The following ARSK variants were observed in gnomAD, a reference collection of about 807,000 sequenced individuals.
ARSK encodes arylsulfatase family member K.
A neutral mutation model predicts 53.2 loss-of-function variants in ARSK; 37 were observed. The observed-to-expected ratio is 0.70, with a 90% CI of 0.54 to 0.92. ARSK has a LOEUF of 0.92. Among genes scored for constraint, ARSK ranks in the 40% least tolerant of loss-of-function variants. ARSK has a pLI of 0.00. For missense variants in ARSK, 613 were observed against 643.0 expected, an observed-to-expected ratio of 0.95 and a Z score of 0.51; for synonymous variants, 208 against 223.2, an observed-to-expected ratio of 0.93 and a Z score of 0.61.
At position 95,586,567 on chromosome 5, in the gene ARSK, T is replaced by A; in HGVS notation, c.705T>A (p.Ser235=). 1 of 1,611,324 alleles carries A rather than the reference T, an allele frequency of 6.2e-7. No individual in the cohort carries two copies. Among genetic ancestry groups the A allele is most frequent in the Admixed American group, 1.7e-5 (1 of 59,522 alleles). The change falls in exon 5 of 8, where the codon TCT becomes TCA. Residue 235 remains serine (S), a synonymous_variant. Transcript: ENST00000380009. Reference sequence around the variant, plus strand: ...GTTTTTTCTCCCCTTTTTAGGTGTCTCATGATGCCATCAAAATCCCAAAGT... The same window carrying A: ...GTTTTTTCTCCCCTTTTTAGGTGTCACATGATGCCATCAAAATCCCAAAGT... ...HTSLYWLEKV[S]HDAIKIPKWS... is the part of the protein sequence containing the mutation.
chr5:95,558,734 G>C (rs538710916), intron 1 of ARSK, among the ~76,000 whole-genome samples: 2 of 152,182 alleles, frequency 1.3e-5, no homozygotes, highest in Non-Finnish European at 2.9e-5. Flanking sequence ...CCAACAAAGA[G>C]AAGCACAGAC....
Position 95,603,845 on chromosome 5 carries a change from T to A in ARSK, c.*319T>A, listed in dbSNP as rs1749455853. 1 of 158,864 alleles carries A rather than the reference T, an allele frequency of 6.3e-6. No individual in the cohort carries two copies. The highest frequency in any genetic ancestry group is 2.7e-3 in the Middle Eastern group (1 of 368). The allele number at this position is 158,864 out of a possible 1,614,324, so 9.8% of individuals were successfully genotyped here. A position where few individuals can be genotyped will look rare whatever the true frequency, so the allele number is the denominator to read the frequency against. On this transcript the variant is annotated 3_prime_UTR_variant, in exon 8 of 8. Coordinates refer to ENST00000380009, the MANE Select transcript of ARSK (RefSeq NM_198150.3). ...TCGCTTGAACCCGGGAGGCAGCAGT[T>A]GCAGTGAGCTGAGATTGCGCCACTG... is the stretch of plus-strand genomic sequence containing the variant.
intron 6 of ARSK, among the ~76,000 whole-genome samples, chr5:95,599,262 T>C (rs969047874): frequency 2.6e-5 from 4 of 152,220 alleles, no homozygotes; most frequent in African/African-American, 9.6e-5. Flanking sequence ...CAAGCTTCCT[T>C]AGGAAAATTA....
intron 6 of ARSK, among the ~76,000 whole-genome samples, chr5:95,594,891 G>C (rs1218744256): frequency 6.6e-6 from 1 of 151,902 alleles, no homozygotes; most frequent in Non-Finnish European, 1.5e-5. Flanking sequence ...ACTGCTACTG[G>C]GAATATAAAC....
In ARSK at chr5:95,600,659, T is replaced by C. The variant is rs1401359440; in HGVS notation, c.1097-188T>C. On this transcript the variant is annotated intron_variant, in intron 6 of 7. Transcript: ENST00000380009. Reference sequence around the variant, plus strand: ...CTGAGGTTGAGATAAGTAAATTACTTGCTGAAGTCCACATGGCCAGTGGGG... The same window carrying C: ...CTGAGGTTGAGATAAGTAAATTACTCGCTGAAGTCCACATGGCCAGTGGGG... The C allele has an allele frequency of 4.3e-6, 3 of 698,524 alleles. No individual in the cohort carries two copies. The Admixed American group carries it at 6.0e-5, about 14-fold the overall frequency. The allele number at this position is 698,524 out of a possible 1,614,324, so 43.3% of individuals were successfully genotyped here.
Position 95,559,002 on chromosome 5 carries a change from G to A in ARSK, c.126+3598G>A, listed in dbSNP as rs558234767. 1.2e-4 allele frequency among the ~76,000 whole-genome samples: 19 copies of A among 152,230 alleles called. No homozygotes were observed. In the East Asian group the frequency reaches 2.3e-3, roughly 19 times the overall value. Reference sequence around the variant, plus strand: ...CTAAAAATACAAAAATTAGCCAGGCGTGGTGGCAGGCACCTGTAATCCCAG... The same window carrying A: ...CTAAAAATACAAAAATTAGCCAGGCATGGTGGCAGGCACCTGTAATCCCAG... On this transcript the variant is annotated intron_variant, in intron 1 of 7. Coordinates refer to ENST00000380009, the MANE Select transcript of ARSK (RefSeq NM_198150.3).
rs748972228 is a variant in ARSK, at chr5:95,601,174, T to C, written c.1321+103T>C. 3.6e-6 allele frequency: 4 copies of C among 1,098,336 alleles called. No homozygotes were observed. In the East Asian group the frequency reaches 1.0e-4, roughly 27 times the overall value. The allele number at this position is 1,098,336 out of a possible 1,614,324, so 68.0% of individuals were successfully genotyped here. A position where few individuals can be genotyped will look rare whatever the true frequency, so the allele number is the denominator to read the frequency against. ...ATAATCCTTGTTAAATAAATGAATA[T>C]CTGCTGCTTCTCATGCTAGGACGAT... is the stretch of plus-strand genomic sequence containing the variant. On this transcript the variant is annotated intron_variant, in intron 7 of 7. Transcript: ENST00000380009.
At chr5:95,585,184 C>T (rs1749092153) in intron 4 of ARSK, among the ~76,000 whole-genome samples, 1 of 151,950 alleles carries the variant, frequency 6.6e-6, no homozygotes, top group Non-Finnish European at 1.5e-5. Flanking sequence ...TAGATGTTGG[C>T]GGGGATGTGG....
At chr5:95,568,954 G>A (rs1014535610) in intron 3 of ARSK, among the ~76,000 whole-genome samples, 10 of 152,162 alleles carry the variant, frequency 6.6e-5, no homozygotes, top group African/African-American at 2.2e-4. Flanking sequence ...ATGTGTCGTC[G>A]CAATTTGATG....
chr5:95,588,393 C>T (rs976066534), intron 5 of ARSK, among the ~76,000 whole-genome samples: 3 of 151,814 alleles, frequency 2.0e-5, no homozygotes, highest in Admixed American at 6.6e-5. Context: ...CGCGCCACCA[C>T]GCCCAGCTAA....
intron 1 of ARSK, among the ~76,000 whole-genome samples, chr5:95,565,037 A>G (rs1748703727): frequency 6.6e-6 from 1 of 152,162 alleles, no homozygotes; most frequent in Admixed American, 6.5e-5. Flanking sequence ...AAGGATTTAG[A>G]TATATTCTAT....
chr5:95,579,113 A>C (rs1490298268), intron 3 of ARSK, among the ~76,000 whole-genome samples: 1 of 152,174 alleles, frequency 6.6e-6, no homozygotes, highest in Non-Finnish European at 1.5e-5. Context: ...ATTATCCTCC[A>C]TTTTGATTGA....
chr5:95,602,154 C>CT (rs750671119), intron 7 of ARSK, among the ~76,000 whole-genome samples: 1 of 152,174 alleles, frequency 6.6e-6, no homozygotes, highest in African/African-American at 2.4e-5. Flanking sequence ...GACGAATCTG[C>CT]TTTTTGTTCC....
chr5:95,573,462 G>A (rs887715248), intron 3 of ARSK, among the ~76,000 whole-genome samples: 1 of 152,066 alleles, frequency 6.6e-6, no homozygotes, highest in South Asian at 2.1e-4. Flanking sequence ...TAATATTTTT[G>A]AGCCAGCTAC....
intron 3 of ARSK, among the ~76,000 whole-genome samples, chr5:95,581,412 G>A (rs1014558526): frequency 1.3e-5 from 2 of 152,130 alleles, no homozygotes; most frequent in Admixed American, 6.5e-5. Context: ...GTCTAGACTC[G>A]CTCATGGTCT....
chr5:95,603,302 T>C lies in ARSK; in HGVS notation c.1387T>C (p.Leu463=), dbSNP rs139994289. The C allele has an allele frequency of 7.1e-4, 1,134 of 1,603,946 alleles. No individual in the cohort carries two copies. Among genetic ancestry groups the C allele is most frequent in the Admixed American group, 9.0e-4 (53 of 58,656 alleles). ...AAAATTTCCAGAAATTACTTATTCT[T>C]TGGATCAGAAGCTTCATTCCATTAT... is the stretch of plus-strand genomic sequence containing the variant. ...AVKFPEITYS[L]DQKLHSIINY... is the part of the protein sequence containing the mutation. The change falls in exon 8 of 8, where the codon TTG becomes CTG. Residue 463 remains leucine (L), a synonymous_variant. Transcript: ENST00000380009.
intron 6 of ARSK, among the ~76,000 whole-genome samples, 189 bp downstream of exon 6, chr5:95,591,814 G>A (rs1022744687): frequency 2.0e-5 from 3 of 152,146 alleles, no homozygotes; most frequent in African/African-American, 7.2e-5. Flanking sequence ...TCATGTCCCT[G>A]TGGCCTTCAC....
intron 3 of ARSK, among the ~76,000 whole-genome samples, chr5:95,570,179 G>C (rs967046320): frequency 2.0e-5 from 3 of 152,156 alleles, no homozygotes; most frequent in Non-Finnish European, 4.4e-5. Context: ...CTTCAGGTTA[G>C]TTAAAATCCC....
chr5:95,599,618 A>G (rs767096714), intron 6 of ARSK, among the ~76,000 whole-genome samples: 3 of 152,156 alleles, frequency 2.0e-5, no homozygotes. Flanking sequence ...TCACCTCTGA[A>G]ATACTCCTCT....
Sources: allele counts gnomAD v4.1 joint callset (sites outside exome capture counted in the v4.1 genomes callset), GRCh38; gene constraint gnomAD v4.1.1; transcripts MANE v1.5; gene names NCBI Gene and HGNC (gene_info 2026-07-23, HGNC 2026-07-21).